The following PHF14 variants were observed in gnomAD, a reference collection of about 807,000 sequenced individuals.
PHF14 encodes the protein PHD finger protein 14.
Under a neutral mutation model 117.9 loss-of-function variants are expected in PHF14, and 55 were observed. The ratio of observed to expected loss-of-function variants is 0.47; its 90% CI spans 0.38 to 0.58. The LOEUF is 0.58. PHF14 is among the 20% of genes least tolerant of loss of function. The probability of loss-of-function intolerance (pLI) is 0.00; values close to 1 mark genes in which losing one functional copy is unlikely to be tolerated. For synonymous variants in PHF14, 409 were observed against 368.6 expected, an observed-to-expected ratio of 1.11 and a Z score of -1.26; for missense variants, 978 against 1,122.2, an observed-to-expected ratio of 0.87 and a Z score of 1.84.
Position 10,982,672 on chromosome 7 carries a change from C to T in PHF14, c.413C>T (p.Ala138Val). 1.9e-6 allele frequency: 3 copies of T among 1,585,136 alleles called. No individual in the cohort carries two copies. The highest frequency in any genetic ancestry group is 2.3e-5 in the East Asian group (1 of 43,354). ...EKEREKEKEK[A>V]TVSENVAASA... is the part of the protein sequence containing the mutation. Reference sequence around the variant, plus strand: ...GAAAGAGAGAAGGAAAAAGAAAAAGCAACAGTATCTGAGAATGTGGCTGCT... The same window carrying T: ...GAAAGAGAGAAGGAAAAAGAAAAAGTAACAGTATCTGAGAATGTGGCTGCT... The change falls in exon 3 of 18, where the codon GCA becomes GTA. Residue 138 changes from alanine (A) to valine (V), a missense_variant. Physicochemically the swap from Ala to Val is moderately conservative, Grantham distance 64. Coordinates refer to ENST00000634607, the MANE Select transcript of PHF14 (RefSeq NM_001007157.2).
chr7:10,990,781 G>T lies in PHF14; in HGVS notation c.979G>T (p.Gly327Ter). The T allele has an allele frequency of 1.3e-6, 2 of 1,584,774 alleles. No homozygotes were observed. The change falls in exon 4 of 18, where the codon GGA becomes TGA. Residue 327 changes from glycine (G) to a stop codon, truncating the protein, a stop_gained. Coordinates refer to ENST00000634607, the MANE Select transcript of PHF14 (RefSeq NM_001007157.2). LOFTEE classifies it high-confidence loss of function. ...DHILICCVCLGDNSEDADEII... is the reference protein window; with the variant it reads ...DHILICCVCL ...TATTCTGATTTGCTGTGTTTGTCTG[G>T]GAGATAATAGTGAGGACGCTGATGA...
At chr7:11,020,503 C>T (rs1169855232) in intron 5 of PHF14, among the ~76,000 whole-genome samples, 2 of 152,092 alleles carry the variant, frequency 1.3e-5, no homozygotes, top group Admixed American at 6.6e-5. Flanking sequence ...CTCAGCCTCC[C>T]AAGTAGCTGG....
intron 3 of PHF14, among the ~76,000 whole-genome samples, chr7:10,986,993 T>A (rs1782246763): frequency 1.3e-5 from 2 of 152,182 alleles, no homozygotes; most frequent in South Asian, 4.1e-4. Context: ...TTTTTTTCCA[T>A]AAAAGTCTCC....
At chr7:11,051,261 C>G (rs1784843560) in intron 13 of PHF14, among the ~76,000 whole-genome samples, 1 of 151,858 alleles carries the variant, frequency 6.6e-6, no homozygotes. Flanking sequence ...AGCAGTCATC[C>G]TGCCTCAGTC....
At chr7:11,022,589 G>T (rs998592904) in intron 5 of PHF14, among the ~76,000 whole-genome samples, 1 of 152,132 alleles carries the variant, frequency 6.6e-6, no homozygotes, top group Non-Finnish European at 1.5e-5. Flanking sequence ...AGTGCAAAGT[G>T]CAGTGAGTGA....
chr7:11,029,357 A>G (rs1298745793), intron 7 of PHF14, among the ~76,000 whole-genome samples: 3 of 152,062 alleles, frequency 2.0e-5, no homozygotes, highest in Non-Finnish European at 4.4e-5. Flanking sequence ...AACTATTTTC[A>G]TTACACTATA....
chr7:11,049,865 C>T (rs1784794122), intron 13 of PHF14, among the ~76,000 whole-genome samples: 1 of 152,224 alleles, frequency 6.6e-6, no homozygotes, highest in South Asian at 2.1e-4. Context: ...GGTAATCTGA[C>T]AACCTAGGGG....
chr7:11,075,334 A>T (rs1456322031), intron 16 of PHF14, among the ~76,000 whole-genome samples: 4 of 152,152 alleles, frequency 2.6e-5, no homozygotes, highest in Non-Finnish European at 4.4e-5. Context: ...TTGCTAATTT[A>T]TAAAGAAAAG....
intron 13 of PHF14, among the ~76,000 whole-genome samples, chr7:11,046,164 T>A (rs1784655904): frequency 6.6e-6 from 1 of 152,204 alleles, no homozygotes; most frequent in Admixed American, 6.5e-5. Context: ...TTTTAGTTTA[T>A]GTTATTTTGA....
chr7:11,161,896 A>C (rs573471726), intron 17 of PHF14, among the ~76,000 whole-genome samples: 40 of 150,466 alleles, frequency 2.7e-4, no homozygotes, highest in Non-Finnish European at 2.7e-4. Context: ...CATACACTTC[A>C]TGCGTATTTC....
chr7:11,029,128 A>G (rs893309363), intron 7 of PHF14, among the ~76,000 whole-genome samples: 1 of 152,206 alleles, frequency 6.6e-6, no homozygotes, highest in African/African-American at 2.4e-5. Flanking sequence ...AAAAAATAGC[A>G]TATTTTATAC....
At chr7:11,138,254 G>A (rs1307792637) in intron 17 of PHF14, among the ~76,000 whole-genome samples, 1 of 151,746 alleles carries the variant, frequency 6.6e-6, no homozygotes, top group Non-Finnish European at 1.5e-5. Flanking sequence ...CGTTAGCCAG[G>A]ATGGTCTCGA....
In PHF14 at chr7:11,028,890, G is replaced by C. The variant is rs887413173; in HGVS notation, c.1455+72G>C. Reference sequence around the variant, plus strand: ...CTTTTGACTCTATGTCCTATAATAAGTGTAAATAATAAAAGAAATTTTAAC... The same window carrying C: ...CTTTTGACTCTATGTCCTATAATAACTGTAAATAATAAAAGAAATTTTAAC... On this transcript the variant is annotated intron_variant, in intron 7 of 17. Coordinates refer to ENST00000634607, the MANE Select transcript of PHF14 (RefSeq NM_001007157.2). The C allele has an allele frequency of 2.6e-5, 32 of 1,232,768 alleles. No individual in the cohort carries two copies. The African/African-American group carries it at 4.9e-4, about 19-fold the overall frequency. 76.4% of individuals were successfully genotyped at this position (1,232,768 alleles called of 1,614,324 possible). A position where few individuals can be genotyped will look rare whatever the true frequency, so the allele number is the denominator to read the frequency against.
At chr7:11,061,656 A>T in intron 14 of PHF14, 135 bp from the exon 15 acceptor site, 2 of 535,738 alleles carry the variant, frequency 3.7e-6, no homozygotes, top group Non-Finnish European at 6.2e-6. Context: ...TATAGTATTA[A>T]TTAGAAATAA....
chr7:11,139,428 C>T (rs1243778211), intron 17 of PHF14, among the ~76,000 whole-genome samples: 3 of 152,110 alleles, frequency 2.0e-5, no homozygotes, highest in African/African-American at 7.2e-5. Flanking sequence ...AAGTTCTGTT[C>T]TCAATTTGAA....
At chr7:11,090,314 G>C (rs1786595207) in intron 16 of PHF14, among the ~76,000 whole-genome samples, 1 of 152,112 alleles carries the variant, frequency 6.6e-6, no homozygotes, top group Admixed American at 6.5e-5. Flanking sequence ...GAATCAGGTT[G>C]ACAAAGATAG....
intron 16 of PHF14, chr7:11,106,492 C>A: frequency 1.1e-6 from 1 of 942,998 alleles, no homozygotes; most frequent in Non-Finnish European, 1.3e-6. Context: ...AAATATTGTA[C>A]TTATTGATAC....
intron 17 of PHF14, among the ~76,000 whole-genome samples, chr7:11,114,677 G>T (rs1787547615): frequency 6.6e-6 from 1 of 151,972 alleles, no homozygotes; most frequent in African/African-American, 2.4e-5. Flanking sequence ...TAGTCATTTT[G>T]AGTTTCATAA....
At chr7:11,112,553 T>C (rs1787481236) in intron 17 of PHF14, among the ~76,000 whole-genome samples, 6 of 152,036 alleles carry the variant, frequency 3.9e-5, no homozygotes, top group Admixed American at 3.9e-4. Context: ...AGGTGGATCA[T>C]GAGGTCAGGA....
Sources: allele counts gnomAD v4.1 joint callset (sites outside exome capture counted in the v4.1 genomes callset), GRCh38; gene constraint gnomAD v4.1.1; transcripts MANE v1.5; gene names NCBI Gene and HGNC (gene_info 2026-07-23, HGNC 2026-07-21).